ZFP69: variants seen among roughly 807,000 people sequenced by gnomAD.
The protein encoded by ZFP69 is zinc finger protein 69 homolog.
A neutral mutation model predicts 48.9 loss-of-function variants in ZFP69; 35 were observed. That is an observed-to-expected ratio of 0.72 (90% CI 0.55 to 0.95). The LOEUF is 0.95. ZFP69 is among the 40% of genes least tolerant of loss of function. The probability of loss-of-function intolerance (pLI) is 0.00; values close to 1 mark genes in which losing one functional copy is unlikely to be tolerated. For missense variants in ZFP69, 557 were observed against 638.4 expected, an observed-to-expected ratio of 0.87 and a Z score of 1.37; for synonymous variants, 193 against 216.8, an observed-to-expected ratio of 0.89 and a Z score of 0.96.
At chr1:40,490,860 A>C (rs1337162424) in intron 5 of ZFP69, 1 of 152,152 alleles carries the variant, frequency 6.6e-6, no homozygotes, top group Non-Finnish European at 1.5e-5. Context: ...CAATCTCCTC[A>C]AACTTTGCTT....
intron 3 of ZFP69, among the ~76,000 whole-genome samples, chr1:40,482,079 A>T (rs919085630): frequency 6.7e-6 from 1 of 150,084 alleles, no homozygotes; most frequent in African/African-American, 2.5e-5. Context: ...CTTGTTTCTC[A>T]CCAACATCTG....
intron 3 of ZFP69, among the ~76,000 whole-genome samples, chr1:40,483,538 CTT>C (rs2124443780): frequency 1.3e-5 from 2 of 152,184 alleles, no homozygotes; most frequent in East Asian, 3.9e-4. Context: ...AAACTGTACA[CTT>C]TCTTAGTGTA....
intron 5 of ZFP69, among the ~76,000 whole-genome samples, chr1:40,494,512 C>T (rs1645604894): frequency 6.8e-6 from 1 of 146,670 alleles, no homozygotes; most frequent in Non-Finnish European, 1.5e-5. Flanking sequence ...TCGTGATCCG[C>T]CCGCCTCGGC....
At chr1:40,486,867 C>CA (rs1269086957) in intron 3 of ZFP69, among the ~76,000 whole-genome samples, 1 of 151,846 alleles carries the variant, frequency 6.6e-6, no homozygotes, top group Non-Finnish European at 1.5e-5. Context: ...ACTTTAAGCC[C>CA]ATCCAATGAA....
chr1:40,479,243 CA>C lies in ZFP69; in HGVS notation c.-118del. On this transcript the variant is annotated 5_prime_UTR_variant, in exon 2 of 6. Coordinates refer to ENST00000372706, the MANE Select transcript of ZFP69 (RefSeq NM_001320179.2). ...AGGTCCTGGTGCTGCAGGGACACAC[CA>C]GAGTCCTGAGGGCAGGTGATTGGAA... The C allele has an allele frequency of 2.2e-6, 3 of 1,390,382 alleles. No homozygotes were observed. The highest frequency in any genetic ancestry group is 2.0e-6 in the Non-Finnish European group (2 of 992,816). 86.1% of individuals were successfully genotyped at this position (1,390,382 alleles called of 1,614,324 possible).
At chr1:40,486,398 C>A (rs1395374254) in intron 3 of ZFP69, among the ~76,000 whole-genome samples, 1 of 150,238 alleles carries the variant, frequency 6.7e-6, no homozygotes, top group South Asian at 2.1e-4. Context: ...TCCTCCCTTC[C>A]TCCCTCCTTT....
intron 3 of ZFP69, among the ~76,000 whole-genome samples, chr1:40,485,321 A>G (rs1350505675): frequency 2.0e-5 from 3 of 152,148 alleles, no homozygotes. Context: ...CATGTTACAA[A>G]AGTAACATTC....
At chr1:40,488,462 G>C (rs1186809361) in intron 3 of ZFP69, among the ~76,000 whole-genome samples, 1 of 152,190 alleles carries the variant, frequency 6.6e-6, no homozygotes, top group Non-Finnish European at 1.5e-5. Context: ...CAGAATTCAA[G>C]TTCAGTAAGA....
At chr1:40,487,169 C>T (rs995910089) in intron 3 of ZFP69, among the ~76,000 whole-genome samples, 3 of 151,822 alleles carry the variant, frequency 2.0e-5, no homozygotes, top group South Asian at 2.1e-4. Context: ...ATGATCCGCC[C>T]GCATCAGCCT....
In ZFP69 at chr1:40,495,220, C is replaced by T. The variant is rs1362067319; in HGVS notation, c.742C>T (p.Pro248Ser). ...ACAGAGGCACCATAAATATGATACA[C>T]CTACAAAGCGGAACACATACAAATT... ...IEQRHHKYDT[P>S]TKRNTYKLDL... The change falls in exon 6 of 6, where the codon CCT becomes TCT. Residue 248 changes from proline to serine, a missense_variant. Pro to Ser is a moderately conservative substitution (Grantham distance 74). Transcript: ENST00000372706. The T allele has an allele frequency of 2.5e-6, 4 of 1,613,954 alleles. No individual in the cohort carries two copies. In the African/African-American group the frequency reaches 4.0e-5, roughly 16 times the overall value.
At position 40,489,178 on chromosome 1, in the gene ZFP69, G is replaced by C. The variant is rs757680528; in HGVS notation, c.310G>C (p.Val104Leu). The change falls in exon 4 of 6, where the codon GTG becomes CTG. Residue 104 changes from valine to leucine, a missense_variant. By Grantham distance (32) the Val-to-Leu change is conservative. Coordinates refer to ENST00000372706, the MANE Select transcript of ZFP69 (RefSeq NM_001320179.2). ...APAHQNLYREVMLENYSNLVS... is the reference protein window; with the variant it reads ...APAHQNLYRELMLENYSNLVS... ...TGCTCACCAGAATCTATACCGAGAG[G>C]TGATGCTGGAGAACTACAGCAACTT... 82 of 1,614,022 alleles carry C rather than the reference G, an allele frequency of 5.1e-5. No individual in the cohort carries two copies. The South Asian group carries it at 8.1e-4, about 16-fold the overall frequency.
At chr1:40,494,620 A>G (rs151192000) in intron 5 of ZFP69, among the ~76,000 whole-genome samples, 21,485 of 146,714 alleles carry the variant, frequency 0.15, 1,746 homozygotes, top group Middle Eastern at 0.23. Flanking sequence ...AATATTTTAT[A>G]TATAAAATAT....
At chr1:40,482,515 T>C (rs1645452825) in intron 3 of ZFP69, among the ~76,000 whole-genome samples, 1 of 152,156 alleles carries the variant, frequency 6.6e-6, no homozygotes, top group South Asian at 2.1e-4. Flanking sequence ...GGAGATCTTA[T>C]TGGAGGACAG....
intron 3 of ZFP69, among the ~76,000 whole-genome samples, chr1:40,486,061 AC>A (rs1415341191): frequency 6.6e-6 from 1 of 151,660 alleles, no homozygotes; most frequent in Non-Finnish European, 1.5e-5. Context: ...AAACTACCAC[AC>A]CCGCCTTATT....
chr1:40,487,821 C>T (rs755181438), intron 3 of ZFP69, among the ~76,000 whole-genome samples: 5 of 151,372 alleles, frequency 3.3e-5, no homozygotes, highest in South Asian at 2.1e-4. Flanking sequence ...CTGAGGTGGG[C>T]GAATCACCTG....
intron 5 of ZFP69, 134 bp downstream of exon 5, chr1:40,489,758 C>A: frequency 1.6e-6 from 1 of 611,524 alleles, no homozygotes; most frequent in Non-Finnish European, 2.8e-6. Context: ...CTGGCATCTG[C>A]TCCTGGTGAG....
At chr1:40,491,051 A>C (rs1645562715) in intron 5 of ZFP69, 1 of 152,202 alleles carries the variant, frequency 6.6e-6, no homozygotes, top group African/African-American at 2.4e-5. Context: ...CTTTTATTAC[A>C]TGTATAATGT....
At chr1:40,479,809 T>G (rs1645426442) in intron 2 of ZFP69, among the ~76,000 whole-genome samples, 1 of 152,188 alleles carries the variant, frequency 6.6e-6, no homozygotes, top group Non-Finnish European at 1.5e-5. Context: ...CTGCCCTCCT[T>G]AAGTCCTCTA....
rs1570011757 is a variant in ZFP69, at chr1:40,479,421, A to G, written c.60A>G (p.Gln20=). The part of the protein sequence containing the change: ...PTEASTWVKL[Q]HPKKAVEGAP... ...AGGCCAGCACCTGGGTGAAGCTGCA[A>G]CATCCAAAGAAGGCCGTGGAGGGGG... Residue 20 remains glutamine (Q), a synonymous_variant, in exon 2 of 6, where the codon CAA becomes CAG. Transcript: ENST00000372706. 1.2e-6 allele frequency: 2 copies of G among 1,614,166 alleles called. No individual in the cohort carries two copies. The highest frequency in any genetic ancestry group is 1.7e-4 in the Middle Eastern group (1 of 6,060).
Sources: gnomAD v4.1 joint callset for allele counts (sites outside exome capture counted in the v4.1 genomes callset) on GRCh38, gnomAD v4.1.1 for gene constraint, MANE v1.5 for transcripts, NCBI Gene and HGNC (gene_info 2026-07-23, HGNC 2026-07-21) for gene names.